The following ANKRD28 variants were observed in gnomAD, a reference collection of about 807,000 sequenced individuals.
ANKRD28 encodes the protein serine/threonine-protein phosphatase 6 regulatory ankyrin repeat subunit A.
In ANKRD28, 44 loss-of-function variants were observed where a neutral mutation model predicts 126.5. That is an observed-to-expected ratio of 0.35 (90% confidence interval 0.27 to 0.45). ANKRD28 has a LOEUF of 0.45. ANKRD28 is among the 20% of genes least tolerant of loss of function. The probability of loss-of-function intolerance (pLI) is 1.00; values close to 1 mark genes in which losing one functional copy is unlikely to be tolerated. For synonymous variants in ANKRD28, 442 were observed against 468.5 expected, an observed-to-expected ratio of 0.94 and a Z score of 0.73; for missense variants, 1,110 against 1,316.6, an observed-to-expected ratio of 0.84 and a Z score of 2.43.
intron 1 of ANKRD28, among the ~76,000 whole-genome samples, chr3:15,849,683 A>C (rs1251073438): frequency 6.6e-6 from 1 of 151,646 alleles, no homozygotes; most frequent in African/African-American, 2.4e-5. Flanking sequence ...CCTGTTTCAC[A>C]CCCCTCCCCA....
chr3:15,673,789 A>G (rs1205268152), intron 27 of ANKRD28, among the ~76,000 whole-genome samples: 1 of 152,138 alleles, frequency 6.6e-6, no homozygotes, highest in Non-Finnish European at 1.5e-5. Flanking sequence ...TAACCCTGCT[A>G]TGGAGGGGCT....
intron 3 of ANKRD28, among the ~76,000 whole-genome samples, chr3:15,762,209 AAAAAC>A (rs2058509280): frequency 9.2e-5 from 4 of 43,680 alleles, no homozygotes; most frequent in Non-Finnish European, 1.2e-4. Context: ...AAAAAAAAAA[AAAAAC>A]AAAACAAAAA....
chr3:15,790,434 ATCAT>A (rs1270895660), intron 2 of ANKRD28, among the ~76,000 whole-genome samples: 2 of 152,070 alleles, frequency 1.3e-5, no homozygotes, highest in Non-Finnish European at 2.9e-5. Flanking sequence ...TATTAGAAAG[ATCAT>A]TCATCATGAT....
At chr3:15,745,559 T>C (rs1185048628) in intron 4 of ANKRD28, among the ~76,000 whole-genome samples, 3 of 152,220 alleles carry the variant, frequency 2.0e-5, no homozygotes, top group Non-Finnish European at 4.4e-5. Context: ...TTCTGTTCCA[T>C]TGCTCTATAT....
In ANKRD28 at chr3:15,676,090, C is replaced by T. The variant is rs933570140; in HGVS notation, c.2874-101G>A. The T allele has an allele frequency of 1.1e-5, 10 of 916,726 alleles. No homozygotes were observed. The African/African-American group carries it at 1.7e-4, about 15-fold the overall frequency. The allele number at this position is 916,726 out of a possible 1,614,324, so 56.8% of individuals were successfully genotyped here. ...GAGCATTTTTGTCAACTTGTGAAGA[C>T]CAAGAGGTACAAACTCGAGAAACCT... is the stretch of plus-strand genomic sequence containing the variant. On this transcript the variant is annotated intron_variant, in intron 26 of 27. Transcript: ENST00000683139.
intron 3 of ANKRD28, among the ~76,000 whole-genome samples, chr3:15,758,713 T>G (rs2058298876): frequency 6.6e-6 from 1 of 152,126 alleles, no homozygotes. Context: ...ACTTACAGCC[T>G]CCAGAACTTT....
At chr3:15,859,482 C>T in exon 1 of ANKRD28, 2 of 1,339,374 alleles carry the variant, frequency 1.5e-6, no homozygotes, top group South Asian at 1.3e-5. Context: ...CCACTGCTCC[C>T]GCCCCAGTAG....
intron 4 of ANKRD28, among the ~76,000 whole-genome samples, chr3:15,741,674 C>G (rs531118012): frequency 3.0e-5 from 4 of 131,348 alleles, no homozygotes; most frequent in African/African-American, 1.2e-4. Context: ...TCCACAGTAC[C>G]AGTTTTCCCC....
rs1001225798 is a variant in ANKRD28, at chr3:15,667,436, T to C, written c.*2834A>G. The C allele has an allele frequency of 4.6e-5, 7 of 152,212 alleles. No individual in the cohort carries two copies. The highest frequency in any genetic ancestry group is 1.7e-4 in the African/African-American group (7 of 41,454). The allele number at this position is 152,212 out of a possible 1,614,324, so 9.4% of individuals were successfully genotyped here. A position where few individuals can be genotyped will look rare whatever the true frequency, so the allele number is the denominator to read the frequency against. On this transcript the variant is annotated 3_prime_UTR_variant, in exon 28 of 28. Coordinates refer to ENST00000683139, the MANE Select transcript of ANKRD28 (RefSeq NM_001349278.2). The stretch of plus-strand genomic sequence containing the variant: ...GCAGAAGCTGGTATTATAATACACA[T>C]CAGATATTTCAGATGTCATCTTTTA...
chr3:15,850,801 C>T (rs1437749100), intron 1 of ANKRD28, among the ~76,000 whole-genome samples: 1 of 152,160 alleles, frequency 6.6e-6, no homozygotes. Context: ...TGAACTGCTC[C>T]ACCAAATTAA....
chr3:15,723,636 A>C (rs1423402888), intron 7 of ANKRD28, among the ~76,000 whole-genome samples: 1 of 152,076 alleles, frequency 6.6e-6, no homozygotes, highest in Non-Finnish European at 1.5e-5. Flanking sequence ...ACAAAATAAA[A>C]AAAATTAGCC....
chr3:15,709,534 G>C lies in ANKRD28; in HGVS notation c.1406+134C>G, dbSNP rs116506454. The C allele has an allele frequency of 2.0e-3, 1,085 of 551,676 alleles. 7 individuals are homozygous for C. Among genetic ancestry groups the C allele is most frequent in the African/African-American group, 0.019 (986 of 50,754 alleles). 34.2% of individuals were successfully genotyped at this position (551,676 alleles called of 1,614,324 possible). A position where few individuals can be genotyped will look rare whatever the true frequency, so the allele number is the denominator to read the frequency against. Reference sequence around the variant, plus strand: ...GAATATTTGGAAGTTACTGACTTCAGCTGGGACTCTCAATGAATCATGATC... The same window carrying C: ...GAATATTTGGAAGTTACTGACTTCACCTGGGACTCTCAATGAATCATGATC... On this transcript the variant is annotated intron_variant, in intron 13 of 27. Coordinates refer to ENST00000683139, the MANE Select transcript of ANKRD28 (RefSeq NM_001349278.2).
At chr3:15,856,895 A>T (rs140878183) in intron 1 of ANKRD28, among the ~76,000 whole-genome samples, 1 of 152,224 alleles carries the variant, frequency 6.6e-6, no homozygotes, top group Admixed American at 6.5e-5. Flanking sequence ...AAACAGACCT[A>T]AAAAAGTACA....
chr3:15,725,308 C>G (rs1402993163), intron 6 of ANKRD28, among the ~76,000 whole-genome samples: 1 of 152,090 alleles, frequency 6.6e-6, no homozygotes, highest in Admixed American at 6.5e-5. Flanking sequence ...GAAACTAATA[C>G]CCTAAGGATA....
intron 3 of ANKRD28, among the ~76,000 whole-genome samples, chr3:15,756,010 T>C (rs1471957343): frequency 6.6e-6 from 1 of 152,252 alleles, no homozygotes; most frequent in Non-Finnish European, 1.5e-5. Flanking sequence ...AAAACTTACA[T>C]GCCAGAAGCA....
intron 1 of ANKRD28, among the ~76,000 whole-genome samples, chr3:15,840,715 G>C (rs748768955): frequency 4.6e-5 from 7 of 152,170 alleles, no homozygotes; most frequent in Non-Finnish European, 1.0e-4. Context: ...GAACACAATA[G>C]AGAACCCAGG....
At position 15,812,364 on chromosome 3, in the gene ANKRD28, G is replaced by C. The variant is rs575937221; in HGVS notation, c.28-17058C>G. Among the ~76,000 whole-genome samples, 1 of 152,144 alleles carries C rather than the reference G, an allele frequency of 6.6e-6. No homozygotes were observed. The highest frequency in any genetic ancestry group is 1.9e-4 in the East Asian group (1 of 5,172). On this transcript the variant is annotated intron_variant, in intron 1 of 27. Coordinates refer to the ANKRD28 transcript ENST00000399451. The surrounding 1 kb of genome is among the most constrained non-coding windows in gnomAD (Gnocchi z 4.1). ...GGTGCCCTTAGGTAAATTTAGAAAG[G>C]GTTTGCAGTAACCAATGGAAAAGCA...
At chr3:15,685,727 A>G (rs2470544) in intron 20 of ANKRD28, among the ~76,000 whole-genome samples, 70,934 of 152,078 alleles carry the variant, frequency 0.47, 19,430 homozygotes, top group Non-Finnish European at 0.6. Flanking sequence ...ATTAAAGTGT[A>G]TAAGAAAATA....
In ANKRD28 at chr3:15,816,946, A is replaced by C. The variant is rs577224326; in HGVS notation, c.28-21640T>G. The stretch of plus-strand genomic sequence containing the variant: ...CACAGTGGCTCATGCCTGTAATCCC[A>C]GCACTTTGGGAGGCCAAAGTGAGAG... On this transcript the variant is annotated intron_variant, in intron 1 of 27. Coordinates refer to the ANKRD28 transcript ENST00000399451. The surrounding 1 kb of genome is among the most constrained non-coding windows in gnomAD (Gnocchi z 5.0). 1.3e-5 allele frequency among the ~76,000 whole-genome samples: 2 copies of C among 152,170 alleles called. No homozygotes were observed. The highest frequency in any genetic ancestry group is 2.9e-5 in the Non-Finnish European group (2 of 68,022).
Sources: gnomAD v4.1 joint callset for allele counts (sites outside exome capture counted in the v4.1 genomes callset) on GRCh38, gnomAD v4.1.1 for gene constraint, Gnocchi (gnomAD v3.1) non-coding constraint, MANE v1.5 for transcripts, NCBI Gene and HGNC (gene_info 2026-07-23, HGNC 2026-07-21) for gene names.